STRN3: variants seen among roughly 807,000 people sequenced by gnomAD.
STRN3 encodes the protein striatin-3.
A neutral mutation model predicts 95.6 loss-of-function variants in STRN3; 29 were observed. The observed-to-expected ratio is 0.30, with a 90% CI of 0.23 to 0.41. The LOEUF is 0.41. Ranked by LOEUF, STRN3 falls within the 10% of genes least tolerant of loss-of-function variation. STRN3 has a pLI of 1.00. For synonymous variants in STRN3, 331 were observed against 357.6 expected (o/e 0.93, Z 0.84); for missense variants, 890 against 972.1 (o/e 0.92, Z 1.12).
intron 8 of STRN3, among the ~76,000 whole-genome samples, chr14:30,919,647 A>T (rs765455890): frequency 6.6e-6 from 1 of 152,150 alleles, no homozygotes; most frequent in East Asian, 1.9e-4. Context: ...CAAATTTGTC[A>T]TTAACAAATC....
At chr14:31,006,654 C>T (rs1853314505) in intron 1 of STRN3, among the ~76,000 whole-genome samples, 1 of 152,022 alleles carries the variant, frequency 6.6e-6, no homozygotes, top group African/African-American at 2.4e-5. Flanking sequence ...GAGATCGCGC[C>T]ACTGCACTCC....
chr14:30,938,653 C>T (rs1477608660), intron 5 of STRN3, among the ~76,000 whole-genome samples: 1 of 151,974 alleles, frequency 6.6e-6, no homozygotes, highest in African/African-American at 2.4e-5. Context: ...TTAACATTCG[C>T]TCTTTGAAAG....
In STRN3 at chr14:30,919,046, TG is replaced by T. The variant is rs766267939; in HGVS notation, c.1159del (p.His387ThrfsTer17). 1 of 1,612,110 alleles carries T rather than the reference TG, an allele frequency of 6.2e-7. No homozygotes were observed. The highest frequency in any genetic ancestry group is 1.1e-5 in the South Asian group (1 of 90,840). ...CTGATTAATGATTCCTGAAGGGATG[TG>T]GGGCAGCTCATCATCTCCCAGATCA... ...IADLGDDELP[H>X]IPSGIINQSR... On this transcript the variant is annotated frameshift_variant, in exon 9 of 18. Coordinates refer to ENST00000357479, the MANE Select transcript of STRN3 (RefSeq NM_001083893.2). LOFTEE classifies it high-confidence loss of function.
At chr14:30,906,737 A>G (rs554512843) in intron 14 of STRN3, 140 bp downstream of exon 14, 1 of 965,756 alleles carries the variant, frequency 1.0e-6, no homozygotes, top group East Asian at 2.7e-5. Context: ...AAAATGAGTA[A>G]AAAGTTTATC....
At chr14:30,924,760 A>G (rs192857049) in intron 8 of STRN3, among the ~76,000 whole-genome samples, 1 of 152,138 alleles carries the variant, frequency 6.6e-6, no homozygotes, top group Non-Finnish European at 1.5e-5. Context: ...GGGAGTGGAA[A>G]GATTGCTTGA....
chr14:30,992,871 G>A (rs1882029544), intron 1 of STRN3, among the ~76,000 whole-genome samples: 1 of 151,666 alleles, frequency 6.6e-6, no homozygotes, highest in African/African-American at 2.4e-5. Context: ...CAAAATAGTG[G>A]GGAGGACAGG....
chr14:31,010,036 AAAG>A (rs1431437807), intron 1 of STRN3, among the ~76,000 whole-genome samples: 1 of 152,174 alleles, frequency 6.6e-6, no homozygotes, highest in East Asian at 1.9e-4. Context: ...CCAGAAGGAC[AAAG>A]CTACAGTGAG....
intron 16 of STRN3, among the ~76,000 whole-genome samples, chr14:30,898,898 G>A (rs1326503133): frequency 1.3e-5 from 2 of 152,174 alleles, no homozygotes; most frequent in Non-Finnish European, 2.9e-5. Flanking sequence ...GATGTCAAAT[G>A]TAAACTACGG....
intron 1 of STRN3, among the ~76,000 whole-genome samples, chr14:30,969,228 G>A (rs1275429206): frequency 1.3e-5 from 2 of 152,222 alleles, no homozygotes; most frequent in Non-Finnish European, 1.5e-5. Context: ...GAGGTCAGGA[G>A]ATCGAGACCA....
In STRN3 at chr14:30,944,049, C is replaced by CA. The variant is rs1274997938; in HGVS notation, c.716+3040dup. 2.0e-5 allele frequency among the ~76,000 whole-genome samples: 3 copies of CA among 151,748 alleles called. No individual in the cohort carries two copies. In the East Asian group the frequency reaches 5.8e-4, roughly 29 times the overall value. Reference sequence around the variant, plus strand: ...AACATACACGCATGCACACACACTCCAAAAAACTATCAAAATCTTAATTTT... The same window carrying CA: ...AACATACACGCATGCACACACACTCCAAAAAAACTATCAAAATCTTAATTTT... On this transcript the variant is annotated intron_variant, in intron 5 of 17. Transcript: ENST00000357479.
chr14:30,984,137 A>ACCCCCCCCCCCCCCCCCC (rs1555324188), intron 1 of STRN3, among the ~76,000 whole-genome samples: 1 of 56,150 alleles, frequency 1.8e-5, no homozygotes, highest in Admixed American at 1.7e-4. Context: ...GCCCCCCCCA[A>ACCCCCCCCCCCCCCCCCC]CCCCCCCCCA....
At chr14:30,914,088 T>A (rs543287794) in intron 9 of STRN3, among the ~76,000 whole-genome samples, 1 of 152,194 alleles carries the variant, frequency 6.6e-6, no homozygotes, top group African/African-American at 2.4e-5. Context: ...TAGTATTTTT[T>A]AAATGTTAAT....
At chr14:30,933,892 G>T (rs1182213182) in intron 7 of STRN3, among the ~76,000 whole-genome samples, 1 of 151,966 alleles carries the variant, frequency 6.6e-6, no homozygotes, top group Non-Finnish European at 1.5e-5. Context: ...TTTCTCTCTT[G>T]CTATTAGCAA....
chr14:31,017,037 C>T (rs377618202), intron 1 of STRN3, among the ~76,000 whole-genome samples: 1 of 151,826 alleles, frequency 6.6e-6, no homozygotes, highest in East Asian at 1.9e-4. Context: ...TGCCTGTAGT[C>T]CTAGCTACTC....
intron 1 of STRN3, among the ~76,000 whole-genome samples, chr14:30,966,686 G>A (rs1475927715): frequency 6.6e-6 from 1 of 152,182 alleles, no homozygotes; most frequent in Non-Finnish European, 1.5e-5. Context: ...GGCTAAATGT[G>A]TGCGTGCGTG....
intron 5 of STRN3, among the ~76,000 whole-genome samples, chr14:30,943,972 C>G (rs1005977623): frequency 6.6e-6 from 1 of 152,032 alleles, no homozygotes; most frequent in African/African-American, 2.4e-5. Context: ...CTTCTGTTAA[C>G]AATACTGCAC....
intron 1 of STRN3, among the ~76,000 whole-genome samples, chr14:31,010,394 T>G (rs1299244224): frequency 9.4e-6 from 1 of 106,328 alleles, no homozygotes; most frequent in Non-Finnish European, 1.8e-5. Flanking sequence ...CCCCACCCCA[T>G]ATAACTATTT....
chr14:30,996,295 G>A (rs1404485285), intron 1 of STRN3, among the ~76,000 whole-genome samples: 1 of 152,142 alleles, frequency 6.6e-6, no homozygotes. Flanking sequence ...CACTGGTGAT[G>A]ACTAGAAAGG....
intron 1 of STRN3, among the ~76,000 whole-genome samples, chr14:31,015,733 T>TA (rs1296889337): frequency 4.6e-5 from 7 of 152,196 alleles, no homozygotes; most frequent in Admixed American, 2.0e-4. Flanking sequence ...ACCTTACTTA[T>TA]AGCCAGGCCT....
Sources: allele counts gnomAD v4.1 joint callset (sites outside exome capture counted in the v4.1 genomes callset), GRCh38; gene constraint gnomAD v4.1.1; transcripts MANE v1.5; gene names NCBI Gene and HGNC (gene_info 2026-07-23, HGNC 2026-07-21).